AP3S2: variants seen among roughly 807,000 people sequenced by gnomAD.
AP3S2 encodes AP-3 complex subunit sigma-2.
A neutral mutation model predicts 23.4 loss-of-function variants in AP3S2; 22 were observed. The observed-to-expected ratio is 0.94, with a 90% confidence interval of 0.67 to 1.34. The LOEUF is 1.34. Ranked by LOEUF, AP3S2 falls within the 40% of genes most tolerant of loss-of-function variation. The pLI, the probability that AP3S2 is intolerant of heterozygous loss-of-function variation, is 0.00. For synonymous variants in AP3S2, 86 were observed against 87.1 expected, an observed-to-expected ratio of 0.99 and a Z score of 0.07; for missense variants, 241 against 236.9, an observed-to-expected ratio of 1.02 and a Z score of -0.11.
At chr15:89,891,519 C>A (rs1000559284) in intron 1 of AP3S2, among the ~76,000 whole-genome samples, 2 of 151,988 alleles carry the variant, frequency 1.3e-5, no homozygotes, top group Admixed American at 1.3e-4. Flanking sequence ...ATTAGCCAGG[C>A]ATGGTCGTGG....
At chr15:89,864,705 C>T (rs1333361870) in intron 4 of AP3S2, among the ~76,000 whole-genome samples, 1 of 151,910 alleles carries the variant, frequency 6.6e-6, no homozygotes, top group East Asian at 1.9e-4. Flanking sequence ...CCACGCCCAG[C>T]TAATTTTTGT....
At position 89,858,521 on chromosome 15, in the gene AP3S2, GAGAGAAAGAA is replaced by G. The variant is rs1233936285; in HGVS notation, c.345+12944_345+12953del. 5.5e-3 allele frequency among the ~76,000 whole-genome samples: 276 copies of G among 50,060 alleles called. 1 individual carries two copies. Among genetic ancestry groups the G allele is most frequent in the South Asian group, 0.017 (35 of 2,058 alleles). 32.8% of individuals were successfully genotyped at this position (50,060 alleles called of 152,430 possible). A position where few individuals can be genotyped will look rare whatever the true frequency, so the allele number is the denominator to read the frequency against. ...AGAGAGAGAGAGAGAGAGAGAGAGAGAGAGAAAGAAAGAAAGAAAGAAAGAAAGAAAGAAA... is the reference window on the plus strand; with the variant it reads ...AGAGAGAGAGAGAGAGAGAGAGAGAGAGAAAGAAAGAAAGAAAGAAAGAAA... On this transcript the variant is annotated intron_variant, in intron 4 of 5. Transcript: ENST00000336418.
In AP3S2 at chr15:89,871,508, C is replaced by T. The variant is rs1293358801; in HGVS notation, c.312G>A (p.Val104=). The T allele has an allele frequency of 6.2e-7, 1 of 1,613,618 alleles. No individual in the cohort carries two copies. Residue 104 remains valine, a synonymous_variant, in exon 4 of 6, where the codon GTG becomes GTA. Transcript: ENST00000336418. The part of the protein sequence containing the change: ...VETLDKCFEN[V]CELDLIFHMD... The stretch of plus-strand genomic sequence containing the variant: ...TATGGAAGATCAAATCCAATTCACA[C>T]ACATTTTCGAAACACTTATCCAGAG...
Position 89,835,258 on chromosome 15 carries a change from G to A in AP3S2, c.*257C>T, listed in dbSNP as rs1175501092. 5 of 548,534 alleles carry A rather than the reference G, an allele frequency of 9.1e-6. No individual in the cohort carries two copies. Among genetic ancestry groups the A allele is most frequent in the African/African-American group, 1.9e-5 (1 of 52,114 alleles). The allele number at this position is 548,534 out of a possible 1,614,324, so 34.0% of individuals were successfully genotyped here. On this transcript the variant is annotated 3_prime_UTR_variant, in exon 6 of 6. Transcript: ENST00000336418. ...GCATGTTGACTCCCTACTGAGGAAG[G>A]CAGGGCCCCTCACATCTGCAGTGGC...
At chr15:89,891,746 G>C (rs1896826509) in intron 1 of AP3S2, among the ~76,000 whole-genome samples, 1 of 152,140 alleles carries the variant, frequency 6.6e-6, no homozygotes, top group Admixed American at 6.6e-5. Context: ...GAATGGCAGG[G>C]ATGTGAAGAA....
intron 4 of AP3S2, among the ~76,000 whole-genome samples, chr15:89,844,300 T>TTTCTTTCCTTCCTTCC (rs372465971): frequency 6.7e-6 from 1 of 148,860 alleles, no homozygotes; most frequent in Non-Finnish European, 1.5e-5. Flanking sequence ...TCTTTACTTT[T>TTTCTTTCCTTCCTTCC]TTCTTTCCTT....
rs1375897463 is a variant in AP3S2 at position 89,864,998 on chromosome 15, G to T, written c.345+6477C>A. Among the ~76,000 whole-genome samples the T allele has an allele frequency of 2.0e-5, 3 of 152,262 alleles. No homozygotes were observed. In the East Asian group the frequency reaches 5.8e-4, roughly 29 times the overall value. On this transcript the variant is annotated intron_variant, in intron 4 of 5. Coordinates refer to ENST00000336418, the MANE Select transcript of AP3S2 (RefSeq NM_005829.5). ...AATGCAATTGGAATGACAATGAAATGCCAGTACATACCTACTAGCTGGATA... is the reference window on the plus strand; with the variant it reads ...AATGCAATTGGAATGACAATGAAATTCCAGTACATACCTACTAGCTGGATA...
intron 4 of AP3S2, among the ~76,000 whole-genome samples, chr15:89,849,528 G>A (rs577720952): frequency 2.6e-5 from 4 of 151,906 alleles, no homozygotes; most frequent in African/African-American, 7.3e-5. Flanking sequence ...CACCACGCCC[G>A]GCTAATTTTT....
In AP3S2 at chr15:89,868,868, G is replaced by A. The variant is rs1193462678; in HGVS notation, c.345+2607C>T. Among the ~76,000 whole-genome samples, 3 of 141,454 alleles carry A rather than the reference G, an allele frequency of 2.1e-5. No individual in the cohort carries two copies. In the East Asian group the frequency reaches 6.5e-4, roughly 30 times the overall value. 92.8% of individuals were successfully genotyped at this position (141,454 alleles called of 152,430 possible). On this transcript the variant is annotated intron_variant, in intron 4 of 5. Transcript: ENST00000336418. ...CCAGCTGCCCCGTCCGGGAGGTGAG[G>A]GGCGCCTCTGCCCGGCCGCCCCTAC...
rs116603616 is a variant in AP3S2 at position 89,862,314 on chromosome 15, T to C, written c.345+9161A>G. Among the ~76,000 whole-genome samples, 1,302 of 152,298 alleles carry C rather than the reference T, an allele frequency of 8.5e-3. 30 individuals carry two copies. Among genetic ancestry groups the C allele is most frequent in the African/African-American group, 0.03 (1,230 of 41,562 alleles). ...GGGAAACTTAAATATGAACTATATA[T>C]TGGAAAACAATATTTATTAATGTTA... On this transcript the variant is annotated intron_variant, in intron 4 of 5. Coordinates refer to ENST00000336418, the MANE Select transcript of AP3S2 (RefSeq NM_005829.5).
intron 4 of AP3S2, among the ~76,000 whole-genome samples, chr15:89,845,085 T>G (rs1895454167): frequency 6.6e-6 from 1 of 152,062 alleles, no homozygotes; most frequent in African/African-American, 2.4e-5. Flanking sequence ...TTTTGTATTT[T>G]TAGTAGAGAC....
rs1175886553 is a variant in AP3S2 at position 89,834,837 on chromosome 15, T to G, written c.*678A>C. ...AATGCTTGAACCCGGGAAGCAGAGG[T>G]TGCAGTGAGCCGAGATTGCACCACA... On this transcript the variant is annotated 3_prime_UTR_variant, in exon 6 of 6. Transcript: ENST00000336418. 1 of 151,656 alleles carries G rather than the reference T, an allele frequency of 6.6e-6. No homozygotes were observed. The highest frequency in any genetic ancestry group is 2.1e-4 in the South Asian group (1 of 4,794). 9.4% of individuals were successfully genotyped at this position (151,656 alleles called of 1,614,324 possible).
At chr15:89,881,785 A>G (rs906459838) in intron 3 of AP3S2, among the ~76,000 whole-genome samples, 2 of 151,636 alleles carry the variant, frequency 1.3e-5, no homozygotes, top group Admixed American at 1.3e-4. Flanking sequence ...AAACAAACTT[A>G]TATAGTACTA....
At chr15:89,867,983 G>T (rs914058396) in intron 4 of AP3S2, among the ~76,000 whole-genome samples, 6 of 146,060 alleles carry the variant, frequency 4.1e-5, no homozygotes, top group African/African-American at 1.5e-4. Flanking sequence ...ATCCGGGAGG[G>T]AGGTGGGGGG....
At chr15:89,854,595 C>G (rs1277108536) in intron 4 of AP3S2, among the ~76,000 whole-genome samples, 5 of 74,672 alleles carry the variant, frequency 6.7e-5, no homozygotes, top group Non-Finnish European at 1.1e-4. Context: ...CCCCGCCCAG[C>G]CAGCCGCCCT....
chr15:89,853,628 G>A (rs1025140531), intron 4 of AP3S2, among the ~76,000 whole-genome samples: 2 of 141,402 alleles, frequency 1.4e-5, no homozygotes, highest in Non-Finnish European at 3.1e-5. Context: ...AGTGAGGAGC[G>A]TCTCCGCCCG....
intron 4 of AP3S2, among the ~76,000 whole-genome samples, chr15:89,839,644 A>C (rs1258920887): frequency 1.3e-5 from 2 of 152,204 alleles, no homozygotes; most frequent in African/African-American, 4.8e-5. Flanking sequence ...CATATGGCCC[A>C]GCAATTCCAC....
chr15:89,882,449 G>A (rs28575403), intron 3 of AP3S2, among the ~76,000 whole-genome samples: 6,555 of 151,268 alleles, frequency 0.043, 379 homozygotes, highest in African/African-American at 0.14. Flanking sequence ...CCCGCCTCCT[G>A]GGTTCAAGAG....
chr15:89,843,433 T>G (rs1895382454), intron 4 of AP3S2, among the ~76,000 whole-genome samples: 2 of 149,990 alleles, frequency 1.3e-5, no homozygotes, highest in Admixed American at 6.6e-5. Flanking sequence ...AGGTCAGGAG[T>G]TCAAGACCAG....
Sources: gnomAD v4.1 joint callset for allele counts (sites outside exome capture counted in the v4.1 genomes callset) on GRCh38, gnomAD v4.1.1 for gene constraint, MANE v1.5 for transcripts, NCBI Gene and HGNC (gene_info 2026-07-23, HGNC 2026-07-21) for gene names.